Variants in GRM5 observed in about 807,000 individuals in gnomAD.
GRM5 encodes metabotropic glutamate receptor 5.
GRM5 carries 19 observed loss-of-function variants against 83.1 expected under a neutral mutation model. The observed-to-expected ratio is 0.23, with a 90% CI of 0.16 to 0.34. GRM5 has a LOEUF of 0.34. Among genes scored for constraint, GRM5 ranks in the 10% least tolerant of loss-of-function variants. The pLI is 1.00. For missense variants in GRM5, 1,160 were observed against 1,588.3 expected (o/e 0.73, Z 4.58); for synonymous variants, 675 against 633.6 (o/e 1.07, Z -0.98).
intron 2 of GRM5, among the ~76,000 whole-genome samples, chr11:89,040,786 G>A (rs892208733): frequency 2.0e-5 from 3 of 151,986 alleles, no homozygotes; most frequent in Non-Finnish European, 2.9e-5. Flanking sequence ...AAGGAAGGTA[G>A]GAAGGAAAGA....
At chr11:88,703,089 C>CG (rs1319689426) in intron 3 of GRM5, among the ~76,000 whole-genome samples, 9 of 48,820 alleles carry the variant, frequency 1.8e-4, no homozygotes, top group Non-Finnish European at 8.8e-4. Flanking sequence ...CATGGGCAAT[C>CG]CAAAATGAAG....
intron 2 of GRM5, among the ~76,000 whole-genome samples, chr11:89,012,954 C>T (rs1448186831): frequency 6.6e-6 from 1 of 152,202 alleles, no homozygotes; most frequent in South Asian, 2.1e-4. Flanking sequence ...TCAACATCCT[C>T]TAAAGTTCTG....
chr11:88,720,811 T>TGCGTGTGC (rs1941517117), intron 3 of GRM5, among the ~76,000 whole-genome samples: 1 of 131,794 alleles, frequency 7.6e-6, no homozygotes, highest in Admixed American at 7.4e-5. Flanking sequence ...TGTGTGTGTG[T>TGCGTGTGC]GTGTGTGTGC....
Position 88,517,645 on chromosome 11 carries a change from C to A in GRM5, c.2726+7664G>T, listed in dbSNP as rs181790420. ...CACAATTCCCAAATTTTATCCATAT[C>A]TTTAGGTGAGACTAAAAGTAGAAAG... On this transcript the variant is annotated intron_variant, in intron 9 of 9. Transcript: ENST00000305447. 3.3e-3 allele frequency among the ~76,000 whole-genome samples: 507 copies of A among 152,250 alleles called. 2 individuals carry two copies. The highest frequency in any genetic ancestry group is 4.0e-3 in the Non-Finnish European group (272 of 67,968).
intron 2 of GRM5, among the ~76,000 whole-genome samples, chr11:88,990,331 A>G (rs1042403909): frequency 2.3e-4 from 35 of 152,054 alleles, no homozygotes; most frequent in Non-Finnish European, 8.8e-5. Context: ...GAATCTCTGA[A>G]TAGACCAATA....
At chr11:88,983,934 TA>T (rs1401248264) in intron 2 of GRM5, among the ~76,000 whole-genome samples, 1 of 151,902 alleles carries the variant, frequency 6.6e-6, no homozygotes, top group African/African-American at 2.4e-5. Flanking sequence ...AACAAAAAGT[TA>T]AAAAATAAAA....
intron 9 of GRM5, among the ~76,000 whole-genome samples, chr11:88,518,542 TAAAC>T (rs1025058183): frequency 6.6e-6 from 1 of 152,036 alleles, no homozygotes; most frequent in Non-Finnish European, 1.5e-5. Context: ...TCAAATAAGT[TAAAC>T]AAATTAAACT....
In GRM5 at chr11:88,625,401, T is replaced by A. The variant is rs140905064; in HGVS notation, c.1148-20437A>T. On this transcript the variant is annotated intron_variant, in intron 4 of 9. Transcript: ENST00000305447. ...ATCACAGGTGGCCCAGTAAGTATCC[T>A]GGAATCTAGCCAAATTATTATACAA... 1.5e-4 allele frequency among the ~76,000 whole-genome samples: 23 copies of A among 152,300 alleles called. No individual in the cohort carries two copies. In the East Asian group the frequency reaches 4.1e-3, roughly 27 times the overall value.
At chr11:88,516,900 C>T (rs1565320284) in intron 9 of GRM5, among the ~76,000 whole-genome samples, 3 of 152,028 alleles carry the variant, frequency 2.0e-5, no homozygotes, top group South Asian at 2.1e-4. Context: ...TCCTCAAAGA[C>T]AATAGAAATC....
chr11:88,844,938 G>C (rs1169309239), intron 3 of GRM5, among the ~76,000 whole-genome samples: 1 of 152,290 alleles, frequency 6.6e-6, no homozygotes, highest in East Asian at 1.9e-4. Context: ...AAAGAAAGTG[G>C]TTTCTTGAGG....
chr11:88,524,319 G>A (rs1405679755), intron 9 of GRM5, among the ~76,000 whole-genome samples: 1 of 147,582 alleles, frequency 6.8e-6, no homozygotes, highest in African/African-American at 2.5e-5. Flanking sequence ...CTGGGTTCAA[G>A]CAGTCCTCTG....
At chr11:88,992,538 A>T (rs1211125152) in intron 2 of GRM5, among the ~76,000 whole-genome samples, 1 of 152,164 alleles carries the variant, frequency 6.6e-6, no homozygotes, top group Non-Finnish European at 1.5e-5. Context: ...AAGGATTATA[A>T]ATCATGCTGC....
Position 88,596,213 on chromosome 11 carries a change from T to A in GRM5, c.1563+971A>T, listed in dbSNP as rs573424334. Among the ~76,000 whole-genome samples, 59 of 152,340 alleles carry A rather than the reference T, an allele frequency of 3.9e-4. 1 individual carries two copies. The highest frequency in any genetic ancestry group is 1.4e-3 in the African/African-American group (57 of 41,588). On this transcript the variant is annotated intron_variant, in intron 6 of 9. Transcript: ENST00000305447. ...GCATCAAATTGGTTGTCAGCCTGAT[T>A]GAATCTACAAACGTTTTCTCCAAAT...
At chr11:88,860,527 C>A (rs1944543837) in intron 2 of GRM5, among the ~76,000 whole-genome samples, 2 of 152,156 alleles carry the variant, frequency 1.3e-5, no homozygotes, top group African/African-American at 4.8e-5. Flanking sequence ...CAGAAATTCT[C>A]CCATCACCAG....
At chr11:88,956,671 T>C (rs1485191136) in intron 2 of GRM5, among the ~76,000 whole-genome samples, 1 of 152,124 alleles carries the variant, frequency 6.6e-6, no homozygotes, top group Non-Finnish European at 1.5e-5. Context: ...CCGGGCGCGG[T>C]GGCGGGGGCC....
At chr11:88,768,479 A>AGGTT (rs1487249162) in intron 3 of GRM5, among the ~76,000 whole-genome samples, 1 of 151,964 alleles carries the variant, frequency 6.6e-6, no homozygotes, top group Non-Finnish European at 1.5e-5. Flanking sequence ...ATAGGTATAG[A>AGGTT]GGTTCACTTT....
rs553550642 is a variant in GRM5 at position 88,962,955 on chromosome 11, G to A, written c.661+84257C>T. 1.0e-3 allele frequency among the ~76,000 whole-genome samples: 154 copies of A among 152,272 alleles called. 1 individual carries two copies. The highest frequency in any genetic ancestry group is 3.9e-3 in the South Asian group (19 of 4,822). Reference sequence around the variant, plus strand: ...AATACAAAAATTAGCCAGGCATGGCGGCACACGCCTGTAGTCCCAACTACT... The same window carrying A: ...AATACAAAAATTAGCCAGGCATGGCAGCACACGCCTGTAGTCCCAACTACT... On this transcript the variant is annotated intron_variant, in intron 2 of 9. Transcript: ENST00000305447.
chr11:88,806,578 A>G (rs1263129435), intron 3 of GRM5, among the ~76,000 whole-genome samples: 1 of 152,208 alleles, frequency 6.6e-6, no homozygotes, highest in Non-Finnish European at 1.5e-5. Context: ...CTGTGAAAAT[A>G]ACTAGCTTTC....
rs143200878 is a variant in GRM5 at position 88,727,100 on chromosome 11, G to A, written c.912-73697C>T. On this transcript the variant is annotated intron_variant, in intron 3 of 9. Transcript: ENST00000305447. ...ATTAAAAGACATAGTCAGGCAAATT[G>A]GATAAAGAGTCAAGACCCATCAGTG... Among the ~76,000 whole-genome samples, 129 of 152,264 alleles carry A rather than the reference G, an allele frequency of 8.5e-4. No individual in the cohort carries two copies. The Middle Eastern group carries it at 0.014, about 16-fold the overall frequency.
Sources: allele counts gnomAD v4.1 joint callset (sites outside exome capture counted in the v4.1 genomes callset), GRCh38; gene constraint gnomAD v4.1.1; transcripts MANE v1.5; gene names NCBI Gene and HGNC (gene_info 2026-07-23, HGNC 2026-07-21).